The following IQSEC1 variants were observed in gnomAD, a reference collection of about 807,000 sequenced individuals.
IQSEC1 encodes IQ motif and Sec7 domain ArfGEF 1.
IQSEC1 carries 31 observed loss-of-function variants against 91.0 expected under a neutral mutation model. The observed-to-expected ratio is 0.34, with a 90% CI of 0.26 to 0.46. IQSEC1 has a LOEUF of 0.46. Among genes scored for constraint, IQSEC1 ranks in the 20% least tolerant of loss-of-function variants. The pLI is 1.00. For missense variants in IQSEC1, 1,388 were observed against 1,575.6 expected (o/e 0.88, Z 2.02); for synonymous variants, 699 against 662.6 (o/e 1.05, Z -0.84).
In IQSEC1 at chr3:13,228,144, C is replaced by T. The variant is rs1694788177; in HGVS notation, c.272+54567G>A. Among the ~76,000 whole-genome samples the T allele has an allele frequency of 2.6e-5, 4 of 152,178 alleles. No individual in the cohort carries two copies. In the South Asian group the frequency reaches 8.3e-4, roughly 32 times the overall value. On this transcript the variant is annotated intron_variant, in intron 1 of 15. Transcript: ENST00000648114. Reference sequence around the variant, plus strand: ...TGCACTGAAAAGTCCATCTTTTCCACCTCCAGCCCTGCTGGGAGTGCCCAG... The same window carrying T: ...TGCACTGAAAAGTCCATCTTTTCCATCTCCAGCCCTGCTGGGAGTGCCCAG...
intron 1 of IQSEC1, among the ~76,000 whole-genome samples, chr3:12,961,783 C>T (rs1188396552): frequency 6.6e-6 from 1 of 152,252 alleles, no homozygotes; most frequent in Non-Finnish European, 1.5e-5. Context: ...GAAGCACTCA[C>T]ATGGATTCAT....
At chr3:13,132,678 A>G (rs1256983659) in intron 2 of IQSEC1, among the ~76,000 whole-genome samples, 4 of 152,012 alleles carry the variant, frequency 2.6e-5, no homozygotes, top group African/African-American at 9.7e-5. Context: ...TTCATTTCCT[A>G]CCTCTCAGGG....
chr3:12,905,438 G>T (rs529327748), intron 12 of IQSEC1, among the ~76,000 whole-genome samples: 3 of 152,254 alleles, frequency 2.0e-5, no homozygotes, highest in Non-Finnish European at 4.4e-5. Context: ...ATGCACACTC[G>T]GCCGGCGCTG....
intron 1 of IQSEC1, among the ~76,000 whole-genome samples, chr3:13,058,753 A>C (rs544286064): frequency 4.6e-5 from 7 of 152,144 alleles, no homozygotes; most frequent in Non-Finnish European, 8.8e-5. Context: ...GCTCGGTCTG[A>C]GTGTGGGGGC....
chr3:12,996,315 A>T (rs979940345), intron 1 of IQSEC1, among the ~76,000 whole-genome samples: 28 of 152,196 alleles, frequency 1.8e-4, no homozygotes, highest in Non-Finnish European at 4.0e-4. Flanking sequence ...TGAGGAAGTG[A>T]GAATGACAAA....
rs183504824 is a variant in IQSEC1, at chr3:13,016,447, C to T, written c.23+56545G>A. Reference sequence around the variant, plus strand: ...CATTTCCTCACAGCAGCCCGGGTGACGGTTTTAAAACAGAAAGCACAGCAA... The same window carrying T: ...CATTTCCTCACAGCAGCCCGGGTGATGGTTTTAAAACAGAAAGCACAGCAA... On this transcript the variant is annotated intron_variant, in intron 1 of 13. Coordinates refer to ENST00000613206, the MANE Select transcript of IQSEC1 (RefSeq NM_001134382.3). 2.5e-3 allele frequency among the ~76,000 whole-genome samples: 377 copies of T among 152,328 alleles called. 4 individuals are homozygous for T. Among genetic ancestry groups the T allele is most frequent in the African/African-American group, 8.4e-3 (351 of 41,582 alleles).
intron 2 of IQSEC1, among the ~76,000 whole-genome samples, chr3:13,122,758 G>C (rs1706446077): frequency 6.6e-6 from 1 of 152,102 alleles, no homozygotes; most frequent in African/African-American, 2.4e-5. Flanking sequence ...AGCTTGCCAG[G>C]GTCACACAGT....
At chr3:13,061,354 T>C (rs768169111) in intron 1 of IQSEC1, among the ~76,000 whole-genome samples, 2 of 152,236 alleles carry the variant, frequency 1.3e-5, no homozygotes, top group Admixed American at 1.3e-4. Flanking sequence ...AGTTTTCTCA[T>C]GTAACATACA....
chr3:12,901,632 G>A (rs748524951), intron 13 of IQSEC1, 110 bp from the exon 14 acceptor site: 1 of 928,618 alleles, frequency 1.1e-6, no homozygotes, highest in Non-Finnish European at 1.6e-6. Context: ...CTAAGCTTTA[G>A]TTCAACTCAC....
intron 1 of IQSEC1, among the ~76,000 whole-genome samples, chr3:13,047,936 C>G (rs1354447427): frequency 6.6e-6 from 1 of 152,196 alleles, no homozygotes; most frequent in Non-Finnish European, 1.5e-5. Context: ...TTTGGGCCCA[C>G]CCAGCCTCCA....
chr3:12,954,789 G>A (rs2125442095), intron 1 of IQSEC1, among the ~76,000 whole-genome samples: 1 of 152,330 alleles, frequency 6.6e-6, no homozygotes, highest in Admixed American at 6.5e-5. Flanking sequence ...TGCTGCTAGT[G>A]ACTTGGGGAC....
Position 13,011,922 on chromosome 3 carries a change from T to C in IQSEC1, c.23+61070A>G, listed in dbSNP as rs1702900347. On this transcript the variant is annotated intron_variant, in intron 1 of 13. Coordinates refer to ENST00000613206, the MANE Select transcript of IQSEC1 (RefSeq NM_001134382.3). ...CCATTGAGCCTGGCCAATGAGTGAGTCTCAAATTCTAAGTTCGTGGGGGAC... is the reference window on the plus strand; with the variant it reads ...CCATTGAGCCTGGCCAATGAGTGAGCCTCAAATTCTAAGTTCGTGGGGGAC... Among the ~76,000 whole-genome samples the C allele has an allele frequency of 4.0e-5, 6 of 149,632 alleles. 1 individual carries two copies. In the South Asian group the frequency reaches 1.1e-3, roughly 27 times the overall value.
chr3:13,126,174 C>T (rs1024932175), intron 2 of IQSEC1, among the ~76,000 whole-genome samples: 7 of 110,268 alleles, frequency 6.3e-5, no homozygotes, highest in Non-Finnish European at 1.3e-4. Flanking sequence ...GGAACATATC[C>T]ATGCCCTCAA....
At chr3:13,174,456 C>T (rs1025306339) in intron 1 of IQSEC1, among the ~76,000 whole-genome samples, 1 of 152,184 alleles carries the variant, frequency 6.6e-6, no homozygotes, top group African/African-American at 2.4e-5. Flanking sequence ...CCTGGCCCAG[C>T]TGACCCCCAT....
In IQSEC1 at chr3:13,073,028, G is replaced by C; in HGVS notation, c.-14C>G. The C allele has an allele frequency of 6.4e-7, 1 of 1,551,724 alleles. No individual in the cohort carries two copies. Among genetic ancestry groups the C allele is most frequent in the Non-Finnish European group, 8.7e-7 (1 of 1,146,980 alleles). On this transcript the variant is annotated 5_prime_UTR_variant, in exon 1 of 14. Coordinates refer to ENST00000613206, the MANE Select transcript of IQSEC1 (RefSeq NM_001134382.3). ...TCTGCAAGCCATCCTGTGTGAATCC[G>C]TTCTTCCCTGTTCTGGCTCCCTCTC... is the stretch of plus-strand genomic sequence containing the variant.
chr3:13,217,219 C>CA (rs1350307085), intron 1 of IQSEC1, among the ~76,000 whole-genome samples: 2 of 152,208 alleles, frequency 1.3e-5, no homozygotes, highest in Non-Finnish European at 2.9e-5. Context: ...GTTAGATTTA[C>CA]AATGTTTTCT....
intron 1 of IQSEC1, among the ~76,000 whole-genome samples, chr3:12,947,109 C>T (rs574100639): frequency 4.6e-5 from 7 of 152,294 alleles, no homozygotes; most frequent in African/African-American, 7.2e-5. Context: ...GCTGTGCAGC[C>T]GGGAGGAAAG....
At chr3:13,002,491 G>C (rs1425337207) in intron 1 of IQSEC1, among the ~76,000 whole-genome samples, 2 of 151,210 alleles carry the variant, frequency 1.3e-5, no homozygotes, top group Non-Finnish European at 2.9e-5. Context: ...AGACTGTAGG[G>C]AGCCATGATC....
chr3:13,258,999 T>C (rs56073575), intron 1 of IQSEC1, among the ~76,000 whole-genome samples: 35,008 of 151,998 alleles, frequency 0.23, 4,249 homozygotes, highest in African/African-American at 0.3. Flanking sequence ...ATCTTTCCCC[T>C]GGGCCTCAGC....
Sources: gnomAD v4.1 joint callset for allele counts (sites outside exome capture counted in the v4.1 genomes callset) on GRCh38, gnomAD v4.1.1 for gene constraint, MANE v1.5 for transcripts, NCBI Gene and HGNC (gene_info 2026-07-23, HGNC 2026-07-21) for gene names.